SHROOM4: variants seen among roughly 807,000 people sequenced by gnomAD.
SHROOM4 encodes protein Shroom4.
SHROOM4 carries 17 observed loss-of-function variants against 80.3 expected under a neutral mutation model. That is an observed-to-expected ratio of 0.21 (90% CI 0.14 to 0.32). SHROOM4 has a LOEUF of 0.32. SHROOM4 is among the 10% of genes least tolerant of loss of function. SHROOM4 has a pLI of 1.00. For synonymous variants in SHROOM4, 400 were observed against 437.5 expected (o/e 0.91, Z 1.07); for missense variants, 993 against 1,140.3 (o/e 0.87, Z 1.86).
At chrX:50,654,672 C>A (rs1156287105) in intron 2 of SHROOM4, among the ~76,000 whole-genome samples, 2 of 110,295 alleles carry the variant, frequency 1.8e-5, no homozygotes, top group Non-Finnish European at 3.8e-5. Context: ...AGCTTTATAG[C>A]CTTTGATCAA....
At chrX:50,578,703 G>C in the SHROOM4 span, among the ~76,000 whole-genome samples, 6 of 111,931 alleles carry the variant, frequency 5.4e-5, no homozygotes, top group Admixed American at 9.5e-5. Context: ...GCCTCCCAAA[G>C]TGCTGGAATT....
In SHROOM4 at chrX:50,593,257, C is replaced by G. The variant is rs1557245861; in HGVS notation, c.*3438G>C. The G allele has an allele frequency of 8.9e-6, 1 of 111,987 alleles. No individual in the cohort carries two copies. Among genetic ancestry groups the G allele is most frequent in the East Asian group, 2.8e-4 (1 of 3,554 alleles). 9.2% of individuals were successfully genotyped at this position (111,987 alleles called of 1,213,427 possible). On this transcript the variant is annotated 3_prime_UTR_variant, in exon 9 of 9. Transcript: ENST00000376020. ...GGACTATGGATAGGTGACCAAATTCCTTTCCAGTACTTTTCAGCAGAATCT... is the reference window on the plus strand; with the variant it reads ...GGACTATGGATAGGTGACCAAATTCGTTTCCAGTACTTTTCAGCAGAATCT...
chrX:50,649,610 G>C (rs1557258395), intron 2 of SHROOM4: 1 of 112,273 alleles, frequency 8.9e-6, no homozygotes, highest in Non-Finnish European at 1.9e-5. Context: ...TTTGGCATAT[G>C]TTATCAGAAG....
chrX:50,602,641 G>A lies in SHROOM4; in HGVS notation c.3934C>T (p.Gln1312Ter). 8.3e-7 allele frequency: 1 copy of A among 1,210,376 alleles called. No homozygotes were observed. The highest frequency in any genetic ancestry group is 1.1e-6 in the Non-Finnish European group (1 of 895,031). Residue 1312 changes from glutamine (Q) to a stop codon, truncating the protein, a stop_gained, in exon 7 of 9, where the codon CAA becomes TAA. Transcript: ENST00000376020. LOFTEE classifies it high-confidence loss of function. ...ACATCAAAAAACTTTACCTTTTTTT[G>A]AGCCAGTTCATGGTCAACTTCCTCC... ...GEEEVDHELA[Q>*]KKIQLIESIS... is the part of the protein sequence containing the mutation.
At chrX:50,610,677 T>A (rs186572364) in intron 5 of SHROOM4, among the ~76,000 whole-genome samples, 102 of 111,320 alleles carry the variant, frequency 9.2e-4, no homozygotes, top group African/African-American at 3.1e-3. Flanking sequence ...ATAAATATGT[T>A]TAACAAAGGA....
In SHROOM4 at chrX:50,606,748, C is replaced by T. The variant is rs144179157; in HGVS notation, c.3761+633G>A. ...TCAACTACCACCTATTACACACCCACATGAATGCAAAGAGGCAGGTAAACA... is the reference window on the plus strand; with the variant it reads ...TCAACTACCACCTATTACACACCCATATGAATGCAAAGAGGCAGGTAAACA... On this transcript the variant is annotated intron_variant, in intron 6 of 8. Transcript: ENST00000376020. 6.0e-4 allele frequency among the ~76,000 whole-genome samples: 67 copies of T among 110,748 alleles called. No individual in the cohort carries two copies. The East Asian group carries it at 0.017, about 28-fold the overall frequency.
chrX:50,726,969 ATG>A (rs1332081720), intron 1 of SHROOM4, among the ~76,000 whole-genome samples: 5 of 113,016 alleles, frequency 4.4e-5, no homozygotes, highest in Non-Finnish European at 9.4e-5. Context: ...CAGGCATTCA[ATG>A]CCAGCCCATG....
At chrX:50,626,391 G>C (rs2147275156) in intron 5 of SHROOM4, among the ~76,000 whole-genome samples, 1 of 112,099 alleles carries the variant, frequency 8.9e-6, no homozygotes, top group South Asian at 3.8e-4. Context: ...CTGTCAACTT[G>C]TGTGAGAAAG....
At chrX:50,671,732 T>G (rs1447250469) in intron 2 of SHROOM4, among the ~76,000 whole-genome samples, 2 of 112,836 alleles carry the variant, frequency 1.8e-5, no homozygotes, top group Non-Finnish European at 3.7e-5. Context: ...AAACTTTCTC[T>G]ATATCAGCAA....
chrX:50,650,174 G>A (rs1460604910), intron 2 of SHROOM4, among the ~76,000 whole-genome samples: 1 of 112,105 alleles, frequency 8.9e-6, no homozygotes, highest in African/African-American at 3.2e-5. Context: ...AACTATATAT[G>A]CATATATACA....
At chrX:50,809,923 T>G (rs1004292522) in intron 1 of SHROOM4, among the ~76,000 whole-genome samples, 3 of 111,792 alleles carry the variant, frequency 2.7e-5, no homozygotes, top group Non-Finnish European at 5.6e-5. Context: ...CTTTTACTTG[T>G]TACCATGATC....
Position 50,814,010 on chromosome X carries a change from G to C in SHROOM4, c.9C>G (p.Asn3Lys). The change falls in exon 1 of 9, where the codon AAC becomes AAG. Residue 3 changes from asparagine (N) to lysine (K), a missense_variant. By Grantham distance (94) the Asn-to-Lys change is moderately conservative. Coordinates refer to ENST00000376020, the MANE Select transcript of SHROOM4 (RefSeq NM_020717.5). ME[N>K]RPGSFQYVPV... Reference sequence around the variant, plus strand: ...GGACGTACTGGAAGGACCCAGGCCGGTTCTCCATCCTCGGCTGGGCTCAGG... The same window carrying C: ...GGACGTACTGGAAGGACCCAGGCCGCTTCTCCATCCTCGGCTGGGCTCAGG... The C allele has an allele frequency of 8.3e-7, 1 of 1,204,667 alleles. No individual in the cohort carries two copies. The highest frequency in any genetic ancestry group is 1.1e-6 in the Non-Finnish European group (1 of 890,100).
At chrX:50,612,031 C>T in intron 5 of SHROOM4, among the ~76,000 whole-genome samples, 1 of 110,809 alleles carries the variant, frequency 9.0e-6, no homozygotes, top group Non-Finnish European at 1.9e-5. Context: ...AGAAAAGAAT[C>T]ATAAAAATAA....
rs983295438 is a variant in SHROOM4 at position 50,592,150 on chromosome X, A to T, written c.*4545T>A. ...CGAGAAGAGCAAGAATATGCCTGGG[A>T]TAAGGAAAAAATGAATTGAGTAGAT... On this transcript the variant is annotated 3_prime_UTR_variant, in exon 9 of 9. Transcript: ENST00000376020. The T allele has an allele frequency of 1.7e-4, 55 of 328,294 alleles. No homozygotes were observed. Among genetic ancestry groups the T allele is most frequent in the African/African-American group, 1.0e-3 (39 of 37,838 alleles). 27.1% of individuals were successfully genotyped at this position (328,294 alleles called of 1,213,427 possible). A position where few individuals can be genotyped will look rare whatever the true frequency, so the allele number is the denominator to read the frequency against.
the SHROOM4 span, among the ~76,000 whole-genome samples, chrX:50,577,944 C>G: frequency 8.9e-6 from 1 of 111,880 alleles, no homozygotes; most frequent in African/African-American, 3.3e-5. Context: ...TAAGATGAAG[C>G]CTTGATCATA....
chrX:50,667,304 A>G (rs1557260422), intron 2 of SHROOM4, among the ~76,000 whole-genome samples: 1 of 112,081 alleles, frequency 8.9e-6, no homozygotes, highest in African/African-American at 3.2e-5. Flanking sequence ...TCATCAGCTG[A>G]AACAAACAGC....
At chrX:50,744,689 G>A (rs1557267481) in intron 1 of SHROOM4, among the ~76,000 whole-genome samples, 1 of 111,742 alleles carries the variant, frequency 8.9e-6, no homozygotes, top group East Asian at 2.8e-4. Context: ...TTGAAAATTT[G>A]ACATTTTAAA....
the SHROOM4 span, among the ~76,000 whole-genome samples, chrX:50,578,931 A>T: frequency 1.8e-5 from 2 of 111,685 alleles, no homozygotes; most frequent in African/African-American, 6.5e-5. Context: ...AGTATAGTTT[A>T]TTGCTGACTT....
At chrX:50,721,340 T>A (rs4826648) in intron 1 of SHROOM4, among the ~76,000 whole-genome samples, 17 of 111,925 alleles carry the variant, frequency 1.5e-4, no homozygotes, top group South Asian at 7.6e-4. Context: ...AGAGCAGCCC[T>A]GAGGGCTGCT....
Sources: allele counts gnomAD v4.1 joint callset (sites outside exome capture counted in the v4.1 genomes callset), GRCh38; gene constraint gnomAD v4.1.1; transcripts MANE v1.5; gene names NCBI Gene and HGNC (gene_info 2026-07-23, HGNC 2026-07-21).